The following LSAMP variants were observed in gnomAD, a reference collection of about 807,000 sequenced individuals.
The protein encoded by LSAMP is limbic system-associated membrane protein.
LSAMP carries 7 observed loss-of-function variants against 38.6 expected under a neutral mutation model. The ratio of observed to expected loss-of-function variants is 0.18; its 90% CI spans 0.10 to 0.34. The LOEUF (loss-of-function observed/expected upper bound fraction) is 0.34. Among genes scored for constraint, LSAMP ranks in the 10% least tolerant of loss-of-function variants. The probability of loss-of-function intolerance (pLI) is 1.00; values close to 1 mark genes in which losing one functional copy is unlikely to be tolerated. For missense variants in LSAMP, 313 were observed against 420.0 expected (o/e 0.75, Z 2.23); for synonymous variants, 154 against 166.8 (o/e 0.92, Z 0.59).
At chr3:116,222,767 C>G (rs917664248) in intron 1 of LSAMP, among the ~76,000 whole-genome samples, 3 of 98,648 alleles carry the variant, frequency 3.0e-5, no homozygotes, top group Admixed American at 1.5e-4. Flanking sequence ...GAGATGGAGT[C>G]TCTGTTCGCC....
At chr3:116,434,375 C>T (rs1213816478) in intron 1 of LSAMP, among the ~76,000 whole-genome samples, 1 of 152,106 alleles carries the variant, frequency 6.6e-6, no homozygotes, top group Non-Finnish European at 1.5e-5. Flanking sequence ...CACAAGTAAA[C>T]AAGATGTTTT....
intron 1 of LSAMP, among the ~76,000 whole-genome samples, chr3:116,190,473 A>T (rs1333501814): frequency 6.6e-6 from 1 of 152,044 alleles, no homozygotes; most frequent in African/African-American, 2.4e-5. Flanking sequence ...CAACACTAAC[A>T]GTTTCCCAGC....
intron 1 of LSAMP, among the ~76,000 whole-genome samples, chr3:116,335,591 G>A (rs1193595436): frequency 1.3e-5 from 2 of 151,966 alleles, no homozygotes; most frequent in East Asian, 3.9e-4. Context: ...CTTATGGTGG[G>A]CACCTGCTAA....
intron 1 of LSAMP, among the ~76,000 whole-genome samples, chr3:116,398,928 G>A (rs1376200099): frequency 2.0e-5 from 3 of 152,184 alleles, no homozygotes; most frequent in Non-Finnish European, 2.9e-5. Flanking sequence ...GTGGGTTAGG[G>A]AAAGCTTTCC....
chr3:116,147,859 C>G (rs1367801360), intron 1 of LSAMP, among the ~76,000 whole-genome samples: 1 of 151,900 alleles, frequency 6.6e-6, no homozygotes, highest in Non-Finnish European at 1.5e-5. Flanking sequence ...AATCTTTCTC[C>G]TTTACCCAGC....
intron 1 of LSAMP, among the ~76,000 whole-genome samples, chr3:116,326,744 A>C (rs1181437428): frequency 1.3e-5 from 2 of 152,182 alleles, no homozygotes; most frequent in African/African-American, 4.8e-5. Flanking sequence ...GAAAACACTG[A>C]CACCATCATG....
At chr3:115,858,975 C>A (rs2107531832) in intron 3 of LSAMP, among the ~76,000 whole-genome samples, 1 of 152,166 alleles carries the variant, frequency 6.6e-6, no homozygotes, top group Non-Finnish European at 1.5e-5. Context: ...GCTTTCTTCC[C>A]TGCTTTCCTG....
intron 1 of LSAMP, among the ~76,000 whole-genome samples, chr3:116,220,350 GACACACACACACACACACAC>G (rs10575234): frequency 1.4e-5 from 2 of 138,506 alleles, no homozygotes; most frequent in Admixed American, 7.3e-5. Flanking sequence ...ATTTGCATAT[GACACACACACACACACACAC>G]ACACACACAC....
intron 1 of LSAMP, among the ~76,000 whole-genome samples, chr3:116,266,815 AAAT>A (rs1175017005): frequency 1.3e-5 from 2 of 152,200 alleles, no homozygotes; most frequent in African/African-American, 2.4e-5. Flanking sequence ...CTGTGAGAAA[AAAT>A]ATTACAAAGC....
intron 3 of LSAMP, among the ~76,000 whole-genome samples, chr3:115,965,721 C>G (rs1238866172): frequency 6.7e-6 from 1 of 148,760 alleles, no homozygotes; most frequent in Non-Finnish European, 1.5e-5. Context: ...AAAATATAAA[C>G]AGGTAGCTTA....
intron 6 of LSAMP, among the ~76,000 whole-genome samples, chr3:115,829,015 A>G (rs1206546308): frequency 6.6e-6 from 1 of 152,086 alleles, no homozygotes; most frequent in East Asian, 1.9e-4. Flanking sequence ...CTTTAAATTG[A>G]CTCTGTAGGA....
intron 1 of LSAMP, among the ~76,000 whole-genome samples, chr3:116,393,806 G>A (rs1041643379): frequency 2.6e-5 from 4 of 152,174 alleles, no homozygotes; most frequent in African/African-American, 7.2e-5. Flanking sequence ...TAAATATAAT[G>A]TTGTGATGAA....
intron 3 of LSAMP, among the ~76,000 whole-genome samples, chr3:115,922,770 T>C (rs1355614490): frequency 1.3e-5 from 2 of 152,054 alleles, no homozygotes; most frequent in Non-Finnish European, 2.9e-5. Flanking sequence ...AGATGCCACT[T>C]CTCTGTGCTT....
chr3:116,390,714 T>C (rs1274817501), intron 1 of LSAMP, among the ~76,000 whole-genome samples: 1 of 119,468 alleles, frequency 8.4e-6, no homozygotes, highest in African/African-American at 3.4e-5. Context: ...TACTCCAGCC[T>C]GGGCAACAGA....
chr3:115,851,028 C>G (rs561553822), intron 4 of LSAMP, among the ~76,000 whole-genome samples: 2 of 152,290 alleles, frequency 1.3e-5, no homozygotes, highest in African/African-American at 4.8e-5. Context: ...TGCTGAAGTG[C>G]AGTGGCGCGA....
At chr3:116,148,365 T>C (rs1430758899) in intron 1 of LSAMP, among the ~76,000 whole-genome samples, 1 of 152,008 alleles carries the variant, frequency 6.6e-6, no homozygotes, top group Non-Finnish European at 1.5e-5. Flanking sequence ...CTCTAGATTA[T>C]GATTACTAGC....
At chr3:115,858,339 A>T (rs11720181) in intron 3 of LSAMP, among the ~76,000 whole-genome samples, 13,286 of 152,084 alleles carry the variant, frequency 0.087, 993 homozygotes, top group Admixed American at 0.24. Context: ...GGAATTAAAA[A>T]TTTTTTTACA....
In LSAMP at chr3:115,849,272, T is replaced by C. The variant is rs574986923; in HGVS notation, c.649+3211A>G. On this transcript the variant is annotated intron_variant, in intron 4 of 6. Transcript: ENST00000490035. ...TGCATGTAAAAGTGGCTATGTGTAA[T>C]GCTATATGCCTACTGCAGAGAAGTG... Among the ~76,000 whole-genome samples the C allele has an allele frequency of 7.2e-5, 11 of 152,362 alleles. No individual in the cohort carries two copies. The East Asian group carries it at 2.1e-3, about 29-fold the overall frequency.
intron 1 of LSAMP, among the ~76,000 whole-genome samples, chr3:116,319,766 G>A (rs575975877): frequency 2.4e-4 from 37 of 151,394 alleles, no homozygotes; most frequent in African/African-American, 8.7e-4. Flanking sequence ...CAAAAGCACA[G>A]GCGCTTGTAA....
Sources: gnomAD v4.1 joint callset for allele counts (sites outside exome capture counted in the v4.1 genomes callset) on GRCh38, gnomAD v4.1.1 for gene constraint, MANE v1.5 for transcripts, NCBI Gene and HGNC (gene_info 2026-07-23, HGNC 2026-07-21) for gene names.